HS3ST3B1: variants seen among roughly 807,000 people sequenced by gnomAD.
HS3ST3B1 encodes heparan sulfate glucosamine 3-O-sulfotransferase 3B1.
In HS3ST3B1, 13 loss-of-function variants were observed where a neutral mutation model predicts 21.3. That is an observed-to-expected ratio of 0.61 (90% CI 0.40 to 0.97). The LOEUF is 0.97. HS3ST3B1 is among the 50% of genes least tolerant of loss of function. The probability of loss-of-function intolerance (pLI) is 0.00; values close to 1 mark genes in which losing one functional copy is unlikely to be tolerated. For missense variants in HS3ST3B1, 459 were observed against 554.8 expected, an observed-to-expected ratio of 0.83 and a Z score of 1.73; for synonymous variants, 234 against 254.8, an observed-to-expected ratio of 0.92 and a Z score of 0.78.
At chr17:14,317,990 G>A (rs1164681100) in intron 1 of HS3ST3B1, among the ~76,000 whole-genome samples, 1 of 152,124 alleles carries the variant, frequency 6.6e-6, no homozygotes, top group African/African-American at 2.4e-5. Flanking sequence ...GCTCCCAAAG[G>A]AACAAGCAGC....
At chr17:14,324,033 C>A (rs1909735289) in intron 1 of HS3ST3B1, among the ~76,000 whole-genome samples, 1 of 152,042 alleles carries the variant, frequency 6.6e-6, no homozygotes, top group African/African-American at 2.4e-5. Context: ...TGGTGCACCC[C>A]CGACCCCTGC....
chr17:14,301,569 G>A lies in HS3ST3B1; in HGVS notation c.51G>A (p.Arg17=), dbSNP rs541054553. 12 of 1,594,916 alleles carry A rather than the reference G, an allele frequency of 7.5e-6. No individual in the cohort carries two copies. The highest frequency in any genetic ancestry group is 9.3e-6 in the Non-Finnish European group (11 of 1,176,972). The change falls in exon 1 of 2, where the codon CGG becomes CGA. Residue 17 remains arginine, a synonymous_variant. Transcript: ENST00000360954. ...GATCTTGCCTCGATGTCCCCGGCCGGCTCCTACCGCAGCCGCCGCCGCCCC... is the reference window on the plus strand; with the variant it reads ...GATCTTGCCTCGATGTCCCCGGCCGACTCCTACCGCAGCCGCCGCCGCCCC... ...GGRSCLDVPG[R]LLPQPPPPPP...
intron 1 of HS3ST3B1, among the ~76,000 whole-genome samples, chr17:14,309,194 C>A (rs1909225678): frequency 6.6e-6 from 1 of 152,224 alleles, no homozygotes; most frequent in South Asian, 2.1e-4. Flanking sequence ...TGGCTCCGAG[C>A]CACCCGGCCT....
chr17:14,326,966 C>T lies in HS3ST3B1; in HGVS notation c.555-18062C>T, dbSNP rs146681739. On this transcript the variant is annotated intron_variant, in intron 1 of 1. Transcript: ENST00000360954. Reference sequence around the variant, plus strand: ...AAAAAAGAAGAAGAAGAAGAAGCTTCAGTTGTCCCGAGCACAACTTCTGGG... The same window carrying T: ...AAAAAAGAAGAAGAAGAAGAAGCTTTAGTTGTCCCGAGCACAACTTCTGGG... Among the ~76,000 whole-genome samples, 489 of 148,746 alleles carry T rather than the reference C, an allele frequency of 3.3e-3. 8 individuals are homozygous for T. Among genetic ancestry groups the T allele is most frequent in the African/African-American group, 0.012 (468 of 40,604 alleles).
chr17:14,305,460 T>C (rs1909103050), intron 1 of HS3ST3B1: 1 of 152,270 alleles, frequency 6.6e-6, no homozygotes, highest in African/African-American at 2.4e-5. Context: ...AGGCTTGGGA[T>C]GTTAATTTAA....
intron 1 of HS3ST3B1, among the ~76,000 whole-genome samples, chr17:14,344,348 T>C (rs1484808602): frequency 6.6e-6 from 1 of 152,218 alleles, no homozygotes; most frequent in Non-Finnish European, 1.5e-5. Context: ...ACCCAGGTAG[T>C]GAGCATAGTA....
At chr17:14,336,067 G>A (rs550312520) in intron 1 of HS3ST3B1, among the ~76,000 whole-genome samples, 19 of 152,286 alleles carry the variant, frequency 1.2e-4, no homozygotes, top group African/African-American at 4.1e-4. Flanking sequence ...TTTTCCTAAC[G>A]GGCCAGGAGA....
rs1887445755 is a variant in HS3ST3B1 at position 14,303,930 on chromosome 17, T to C, written c.554+1858T>C. 1 of 152,232 alleles carries C rather than the reference T, an allele frequency of 6.6e-6. No individual in the cohort carries two copies. Among genetic ancestry groups the C allele is most frequent in the African/African-American group, 2.4e-5 (1 of 41,450 alleles). The allele number at this position is 152,232 out of a possible 1,614,324, so 9.4% of individuals were successfully genotyped here. ...CTGAACCCTTAATGTCAGGCGGTTT[T>C]GAAGCACCTGGGGCAAGCTATGGAA... On this transcript the variant is annotated intron_variant, in intron 1 of 1. Coordinates refer to ENST00000360954, the MANE Select transcript of HS3ST3B1 (RefSeq NM_006041.3). This position sits in a 1 kb window ranked among gnomAD's most constrained non-coding sequence, Gnocchi z 5.7.
chr17:14,303,733 T>C lies in HS3ST3B1; in HGVS notation c.554+1661T>C, dbSNP rs1230333722. 6.6e-6 allele frequency: 1 copy of C among 152,278 alleles called. No individual in the cohort carries two copies. Among genetic ancestry groups the C allele is most frequent in the Admixed American group, 6.5e-5 (1 of 15,286 alleles). The allele number at this position is 152,278 out of a possible 1,614,324, so 9.4% of individuals were successfully genotyped here. A position where few individuals can be genotyped will look rare whatever the true frequency, so the allele number is the denominator to read the frequency against. On this transcript the variant is annotated intron_variant, in intron 1 of 1. Transcript: ENST00000360954. The surrounding 1 kb of genome is among the most constrained non-coding windows in gnomAD (Gnocchi z 5.7). Reference sequence around the variant, plus strand: ...GCTATTGTCACCGATTGTATTGTTATGACTTCTACCACCACCACTCCCCCT... The same window carrying C: ...GCTATTGTCACCGATTGTATTGTTACGACTTCTACCACCACCACTCCCCCT...
chr17:14,330,182 T>C (rs75781488), intron 1 of HS3ST3B1, among the ~76,000 whole-genome samples: 3,105 of 152,296 alleles, frequency 0.02, 122 homozygotes, highest in African/African-American at 0.07. Flanking sequence ...CTGGGGGTGG[T>C]CTGTACCAAT....
intron 1 of HS3ST3B1, among the ~76,000 whole-genome samples, chr17:14,315,933 TTAAAG>T (rs1164055468): frequency 8.8e-4 from 134 of 152,214 alleles, no homozygotes; most frequent in African/African-American, 3.1e-3. Flanking sequence ...AATTTATAAA[TTAAAG>T]TAAATAAATG....
Position 14,345,798 on chromosome 17 carries a change from T to TG in HS3ST3B1, c.*152_*153insG. 3 of 987,394 alleles carry TG rather than the reference T, an allele frequency of 3.0e-6. No homozygotes were observed. The highest frequency in any genetic ancestry group is 2.9e-6 in the Non-Finnish European group (2 of 695,494). 61.2% of individuals were successfully genotyped at this position (987,394 alleles called of 1,614,324 possible). ...CTGCCTAGCCACACTCTTTAGAGAG[T>TG]TAGCTTCATAATCTGTTAACATTCC... On this transcript the variant is annotated 3_prime_UTR_variant, in exon 2 of 2. Coordinates refer to ENST00000360954, the MANE Select transcript of HS3ST3B1 (RefSeq NM_006041.3).
chr17:14,341,030 T>C (rs1910363052), intron 1 of HS3ST3B1, among the ~76,000 whole-genome samples: 1 of 152,152 alleles, frequency 6.6e-6, no homozygotes, highest in Admixed American at 6.5e-5. Context: ...CACCAGACTG[T>C]CCTGGGGAGA....
intron 1 of HS3ST3B1, among the ~76,000 whole-genome samples, chr17:14,327,163 T>C (rs1251882898): frequency 6.6e-6 from 1 of 152,162 alleles, no homozygotes; most frequent in Non-Finnish European, 1.5e-5. Context: ...AATATTAAAG[T>C]TGAATTCGAG....
At chr17:14,328,811 G>A (rs935511561) in intron 1 of HS3ST3B1, 6 of 152,076 alleles carry the variant, frequency 3.9e-5, no homozygotes, top group Non-Finnish European at 5.9e-5. Flanking sequence ...ACCAGCCTGG[G>A]AAACATGGCA....
chr17:14,302,543 G>A (rs1333753782), intron 1 of HS3ST3B1, among the ~76,000 whole-genome samples: 1 of 152,150 alleles, frequency 6.6e-6, no homozygotes, highest in Non-Finnish European at 1.5e-5. Context: ...AGGGGGTGGG[G>A]GCCGCGGCGT....
intron 1 of HS3ST3B1, among the ~76,000 whole-genome samples, chr17:14,332,716 C>G (rs796335812): frequency 1.3e-5 from 2 of 151,796 alleles, no homozygotes; most frequent in Non-Finnish European, 2.9e-5. Flanking sequence ...GGATCCAGCT[C>G]CAAGCAGCTG....
intron 1 of HS3ST3B1, among the ~76,000 whole-genome samples, chr17:14,323,889 G>C (rs962710389): frequency 1.3e-5 from 2 of 152,298 alleles, no homozygotes; most frequent in Non-Finnish European, 2.9e-5. Context: ...TGTGAGCTTA[G>C]TGCCCTATGT....
chr17:14,338,439 GTT>G (rs1910263472), intron 1 of HS3ST3B1, among the ~76,000 whole-genome samples: 1 of 150,832 alleles, frequency 6.6e-6, no homozygotes, highest in Non-Finnish European at 1.5e-5. Context: ...ACCTTTCTTT[GTT>G]TTGGTTTGTT....
Sources: gnomAD v4.1 joint callset for allele counts (sites outside exome capture counted in the v4.1 genomes callset) on GRCh38, gnomAD v4.1.1 for gene constraint, Gnocchi (gnomAD v3.1) non-coding constraint, MANE v1.5 for transcripts, NCBI Gene and HGNC (gene_info 2026-07-23, HGNC 2026-07-21) for gene names.